The following PRKAG2 variants were observed in gnomAD, a reference collection of about 807,000 sequenced individuals.
PRKAG2 encodes the protein protein kinase AMP-activated non-catalytic subunit gamma 2, also known as 5'-AMP-activated protein kinase subunit gamma-2.
Under a neutral mutation model 69.6 loss-of-function variants are expected in PRKAG2, and 26 were observed. The ratio of observed to expected loss-of-function variants is 0.37; its 90% CI spans 0.27 to 0.52. PRKAG2 has a LOEUF of 0.52. PRKAG2 is among the 20% of genes least tolerant of loss of function. PRKAG2 has a pLI of 0.90. For synonymous variants in PRKAG2, 293 were observed against 285.0 expected (o/e 1.03, Z -0.28); for missense variants, 557 against 740.0 (o/e 0.75, Z 2.87).
intron 3 of PRKAG2, among the ~76,000 whole-genome samples, chr7:151,691,807 A>AT (rs1391807549): frequency 1.2e-4 from 19 of 152,198 alleles, no homozygotes; most frequent in Admixed American, 2.0e-4. Context: ...TAGCGATGCC[A>AT]CTCTTAGAAG....
At position 151,876,871 on chromosome 7, in the gene PRKAG2, G is replaced by A; in HGVS notation, c.-251C>T. On this transcript the variant is annotated 5_prime_UTR_variant, in exon 1 of 16. Coordinates refer to ENST00000287878, the MANE Select transcript of PRKAG2 (RefSeq NM_016203.4). ...ATCAGTCAAAGCCCGTCCCGGTTCT[G>A]GTGTCTCCCCGGGTTACTCGTGGCT... 6 of 569,066 alleles carry A rather than the reference G, an allele frequency of 1.1e-5. No homozygotes were observed. The South Asian group carries it at 1.2e-4, about 11-fold the overall frequency. The allele number at this position is 569,066 out of a possible 1,614,324, so 35.3% of individuals were successfully genotyped here. A position where few individuals can be genotyped will look rare whatever the true frequency, so the allele number is the denominator to read the frequency against.
intron 3 of PRKAG2, chr7:151,736,329 G>A (rs1330082014): frequency 6.2e-6 from 7 of 1,121,224 alleles, no homozygotes; most frequent in African/African-American, 3.2e-5. Context: ...ACAGAACTTC[G>A]CAGGGGATTT....
At chr7:151,559,233 G>A (rs1015217816) in intron 15 of PRKAG2, 3 of 972,730 alleles carry the variant, frequency 3.1e-6, no homozygotes, top group South Asian at 4.8e-5. Context: ...TGTACTGTTC[G>A]TTTTCAATCC....
At chr7:151,624,092 A>G (rs1822219339) in intron 5 of PRKAG2, among the ~76,000 whole-genome samples, 1 of 152,106 alleles carries the variant, frequency 6.6e-6, no homozygotes, top group Non-Finnish European at 1.5e-5. Context: ...GATGTTATAT[A>G]AATTCAGATA....
chr7:151,782,679 A>G (rs1266538178), intron 2 of PRKAG2, among the ~76,000 whole-genome samples: 1 of 152,160 alleles, frequency 6.6e-6, no homozygotes, highest in Non-Finnish European at 1.5e-5. Flanking sequence ...TGCTGAGCCA[A>G]CCTGGGCATG....
intron 3 of PRKAG2, among the ~76,000 whole-genome samples, chr7:151,717,651 G>A (rs1031251034): frequency 1.4e-4 from 22 of 152,194 alleles, no homozygotes; most frequent in African/African-American, 5.3e-4. Context: ...AGGATGGGGA[G>A]GGCCTGGCAT....
chr7:151,732,128 C>A (rs910921948), intron 3 of PRKAG2, among the ~76,000 whole-genome samples: 5 of 136,096 alleles, frequency 3.7e-5, no homozygotes, highest in Non-Finnish European at 6.1e-5. Context: ...AGCCACAGCA[C>A]CTGGCTTTTT....
At chr7:151,849,662 G>C (rs1418460347) in intron 1 of PRKAG2, among the ~76,000 whole-genome samples, 5 of 152,124 alleles carry the variant, frequency 3.3e-5, no homozygotes, top group Non-Finnish European at 5.9e-5. Context: ...TCCTAGTTCT[G>C]AGGGTCACTG....
At chr7:151,855,500 C>CTCTACCACCCTCCACACACCACCA (rs2079741491) in intron 1 of PRKAG2, among the ~76,000 whole-genome samples, 3 of 113,124 alleles carry the variant, frequency 2.7e-5, no homozygotes, top group Admixed American at 9.5e-5. Flanking sequence ...ACACACCACC[C>CTCTACCACCCTCCACACACCACCA]TCCACACACA....
rs1158559692 is a variant in PRKAG2 at position 151,848,512 on chromosome 7, C to CTTTTTTTTT, written c.114+27986_114+27994dup. On this transcript the variant is annotated intron_variant, in intron 1 of 15. Transcript: ENST00000287878. ...AACAGATGAAGAAAATACTGCATGT[C>CTTTTTTTTT]TTTTTTTTTTTTTTTTTTTTTTTTT... 3.8e-3 allele frequency among the ~76,000 whole-genome samples: 236 copies of CTTTTTTTTT among 62,254 alleles called. 51 individuals are homozygous for CTTTTTTTTT. Among genetic ancestry groups the CTTTTTTTTT allele is most frequent in the African/African-American group, 1.0e-2 (139 of 13,956 alleles). The allele number at this position is 62,254 out of a possible 152,430, so 40.8% of individuals were successfully genotyped here. A position where few individuals can be genotyped will look rare whatever the true frequency, so the allele number is the denominator to read the frequency against.
chr7:151,728,132 C>G (rs753897712), intron 3 of PRKAG2, among the ~76,000 whole-genome samples: 1 of 152,160 alleles, frequency 6.6e-6, no homozygotes, highest in Non-Finnish European at 1.5e-5. Context: ...TGCACCCCAA[C>G]CAGCACCACT....
At chr7:151,746,645 C>T (rs981754390) in intron 3 of PRKAG2, among the ~76,000 whole-genome samples, 4 of 152,218 alleles carry the variant, frequency 2.6e-5, no homozygotes, top group East Asian at 1.9e-4. Context: ...CCGAAAGGAC[C>T]TCGCGTGAAC....
chr7:151,714,574 A>G (rs1016717355), intron 3 of PRKAG2, among the ~76,000 whole-genome samples: 1 of 152,240 alleles, frequency 6.6e-6, no homozygotes, highest in Non-Finnish European at 1.5e-5. Flanking sequence ...GTGAACAGAG[A>G]AAAAAACTAC....
intron 1 of PRKAG2, among the ~76,000 whole-genome samples, chr7:151,804,213 G>A (rs2077986392): frequency 6.6e-6 from 1 of 152,158 alleles, no homozygotes; most frequent in South Asian, 2.1e-4. Context: ...ATATGCTTTT[G>A]TCTGGAATGC....
At position 151,754,453 on chromosome 7, in the gene PRKAG2, G is replaced by A. The variant is rs1362218513; in HGVS notation, c.466+26699C>T. ...CAGACCTCATCAGCTGCCCTGGTCC[G>A]GAAGGCTCCAGCTGTGGCCAGTGAG... On this transcript the variant is annotated intron_variant, in intron 3 of 15. Transcript: ENST00000287878. 5.3e-5 allele frequency among the ~76,000 whole-genome samples: 8 copies of A among 152,370 alleles called. No homozygotes were observed. In the South Asian group the frequency reaches 6.2e-4, roughly 12 times the overall value.
chr7:151,777,515 TACCTCC>T lies in PRKAG2; in HGVS notation c.466+3631_466+3636del, dbSNP rs2076434792. On this transcript the variant is annotated intron_variant, in intron 3 of 15. Coordinates refer to ENST00000287878, the MANE Select transcript of PRKAG2 (RefSeq NM_016203.4). This position sits in a 1 kb window ranked among gnomAD's most constrained non-coding sequence, Gnocchi z 4.3. ...TAGCTGGGTGCTTTAAAGACTCCAGTACCTCCCCCCTCTCTCTTGCTCCCTTGCGTG... is the reference window on the plus strand; with the variant it reads ...TAGCTGGGTGCTTTAAAGACTCCAGTCCCCTCTCTCTTGCTCCCTTGCGTG... Among the ~76,000 whole-genome samples the T allele has an allele frequency of 6.6e-6, 1 of 152,150 alleles. No homozygotes were observed. Among genetic ancestry groups the T allele is most frequent in the African/African-American group, 2.4e-5 (1 of 41,436 alleles).
At chr7:151,662,350 T>C (rs983942637) in intron 4 of PRKAG2, among the ~76,000 whole-genome samples, 8 of 152,190 alleles carry the variant, frequency 5.3e-5, no homozygotes, top group Non-Finnish European at 8.8e-5. Flanking sequence ...TACTTCTCCG[T>C]CCAGTGTTTT....
chr7:151,649,596 G>C (rs1232500533), intron 4 of PRKAG2, among the ~76,000 whole-genome samples: 2 of 152,110 alleles, frequency 1.3e-5, no homozygotes, highest in Admixed American at 6.5e-5. Context: ...TTGGATCATG[G>C]GGGCGGTTTC....
chr7:151,830,308 C>T (rs73160035), intron 1 of PRKAG2, among the ~76,000 whole-genome samples: 38,536 of 151,608 alleles, frequency 0.25, 5,462 homozygotes, highest in Non-Finnish European at 0.29. Context: ...AGCCAAGTCC[C>T]GCCACCTGCA....
Sources: allele counts gnomAD v4.1 joint callset (sites outside exome capture counted in the v4.1 genomes callset), GRCh38; gene constraint gnomAD v4.1.1; non-coding constraint Gnocchi (gnomAD v3.1); transcripts MANE v1.5; gene names NCBI Gene and HGNC (gene_info 2026-07-23, HGNC 2026-07-21).